The following LRRC4C variants were observed in gnomAD, a reference collection of about 807,000 sequenced individuals.
LRRC4C encodes the protein leucine rich repeat containing 4C, also known as leucine-rich repeat-containing protein 4C.
A neutral mutation model predicts 33.6 loss-of-function variants in LRRC4C; 5 were observed. The observed-to-expected ratio is 0.15, with a 90% CI of 0.08 to 0.31. LRRC4C has a LOEUF of 0.31. Ranked by LOEUF, LRRC4C falls within the 10% of genes least tolerant of loss-of-function variation. The pLI, the probability that LRRC4C is intolerant of heterozygous loss-of-function variation, is 1.00. For synonymous variants in LRRC4C, 329 were observed against 302.0 expected (o/e 1.09, Z -0.93); for missense variants, 560 against 796.7 (o/e 0.70, Z 3.58).
intron 4 of LRRC4C, among the ~76,000 whole-genome samples, chr11:40,259,331 G>A (rs1051908306): frequency 6.6e-6 from 1 of 151,662 alleles, no homozygotes; most frequent in African/African-American, 2.4e-5. Context: ...AGATGAGTAG[G>A]TTGCAAAAAT....
intron 1 of LRRC4C, among the ~76,000 whole-genome samples, chr11:41,059,619 ACTCCC>A (rs1407529423): frequency 6.6e-6 from 1 of 151,844 alleles, no homozygotes; most frequent in Non-Finnish European, 1.5e-5. Context: ...GTCTTTACAG[ACTCCC>A]CTTATGTAGG....
chr11:41,119,912 G>A (rs1020314784), intron 1 of LRRC4C, among the ~76,000 whole-genome samples: 1 of 152,278 alleles, frequency 6.6e-6, no homozygotes, highest in East Asian at 1.9e-4. Flanking sequence ...AAAATGACTA[G>A]TGTAGGATTA....
intron 1 of LRRC4C, among the ~76,000 whole-genome samples, chr11:41,141,212 C>T (rs1943489715): frequency 6.6e-6 from 1 of 152,016 alleles, no homozygotes; most frequent in Non-Finnish European, 1.5e-5. Context: ...TTAAAATTAT[C>T]CTTCTTTCAG....
intron 1 of LRRC4C, among the ~76,000 whole-genome samples, chr11:41,132,619 C>A (rs1943067701): frequency 6.6e-6 from 1 of 152,064 alleles, no homozygotes; most frequent in African/African-American, 2.4e-5. Flanking sequence ...GAAATTAAAA[C>A]ACAAATGTTA....
intron 2 of LRRC4C, among the ~76,000 whole-genome samples, chr11:40,924,195 C>T (rs1678587731): frequency 6.6e-6 from 1 of 151,160 alleles, no homozygotes; most frequent in East Asian, 1.9e-4. Context: ...AGCAAGGATC[C>T]AGTCCAAAGT....
intron 3 of LRRC4C, among the ~76,000 whole-genome samples, chr11:40,622,738 C>T (rs1467849866): frequency 1.3e-5 from 2 of 151,742 alleles, no homozygotes; most frequent in Non-Finnish European, 2.9e-5. Context: ...CCACTGTTTT[C>T]TAAATATGAG....
intron 3 of LRRC4C, among the ~76,000 whole-genome samples, chr11:40,388,991 T>C (rs1949226973): frequency 1.3e-5 from 2 of 152,186 alleles, no homozygotes; most frequent in South Asian, 2.1e-4. Flanking sequence ...TCTAGTGATG[T>C]CCTTCAATTT....
In LRRC4C at chr11:40,115,612, A is replaced by G. The variant is rs1344595277; in HGVS notation, c.681T>C (p.Ser227=). The G allele has an allele frequency of 1.2e-6, 2 of 1,614,212 alleles. No individual in the cohort carries two copies. The highest frequency in any genetic ancestry group is 2.2e-5 in the South Asian group (2 of 91,084). The part of the protein sequence containing the change: ...PLIKLDELDL[S]GNHLSAIRPG... ...GCCTGATGGCAGATAAATGATTCCC[A>G]GAAAGATCCAGCTCATCTAGTTTTA... The change falls in exon 7 of 7, where the codon TCT becomes TCC. Residue 227 remains serine (S), a synonymous_variant. Coordinates refer to ENST00000528697, the MANE Select transcript of LRRC4C (RefSeq NM_001258419.2). The surrounding 1 kb of genome is among the most constrained non-coding windows in gnomAD (Gnocchi z 6.7).
intron 3 of LRRC4C, among the ~76,000 whole-genome samples, chr11:40,587,777 T>A (rs1232936148): frequency 6.6e-6 from 1 of 152,154 alleles, no homozygotes; most frequent in African/African-American, 2.4e-5. Context: ...CTGGATTACA[T>A]GTATTGATTT....
chr11:41,397,812 T>C (rs922622465), intron 1 of LRRC4C, among the ~76,000 whole-genome samples: 8 of 151,774 alleles, frequency 5.3e-5, no homozygotes, highest in African/African-American at 1.9e-4. Context: ...TCTAGAGAGG[T>C]AGTGATATGT....
At chr11:41,121,050 A>G (rs10837574) in intron 1 of LRRC4C, among the ~76,000 whole-genome samples, 28,826 of 152,054 alleles carry the variant, frequency 0.19, 3,406 homozygotes, top group East Asian at 0.37. Context: ...TTTATAAATT[A>G]CCCAGTCTCA....
rs567985824 is a variant in LRRC4C at position 40,275,803 on chromosome 11, G to C, written c.-175-34205C>G. On this transcript the variant is annotated intron_variant, in intron 4 of 6. Transcript: ENST00000528697. Reference sequence around the variant, plus strand: ...AAATTTTGTTTAAGATCAGCAGTTGGAAGCTTGTGAAGAACATTCTTTCAA... The same window carrying C: ...AAATTTTGTTTAAGATCAGCAGTTGCAAGCTTGTGAAGAACATTCTTTCAA... Among the ~76,000 whole-genome samples, 12 of 152,216 alleles carry C rather than the reference G, an allele frequency of 7.9e-5. No homozygotes were observed. In the East Asian group the frequency reaches 2.3e-3, roughly 29 times the overall value.
intron 1 of LRRC4C, among the ~76,000 whole-genome samples, chr11:41,089,983 C>G (rs1940288731): frequency 6.6e-6 from 1 of 150,882 alleles, no homozygotes; most frequent in Non-Finnish European, 1.5e-5. Context: ...TGATTGGAAA[C>G]AATTTAATAG....
At chr11:41,304,066 A>C (rs373034676) in intron 1 of LRRC4C, among the ~76,000 whole-genome samples, 1 of 41,724 alleles carries the variant, frequency 2.4e-5, no homozygotes, top group African/African-American at 6.2e-5. Flanking sequence ...CCCCCCGCCC[A>C]GCCAGCCACC....
At chr11:41,288,008 T>A (rs1325007385) in intron 1 of LRRC4C, among the ~76,000 whole-genome samples, 2 of 152,190 alleles carry the variant, frequency 1.3e-5, no homozygotes, top group Non-Finnish European at 2.9e-5. Context: ...TCAGGACATA[T>A]CCTAGGCACA....
At chr11:40,895,423 T>G (rs191156668) in intron 2 of LRRC4C, among the ~76,000 whole-genome samples, 2 of 152,066 alleles carry the variant, frequency 1.3e-5, no homozygotes, top group Non-Finnish European at 2.9e-5. Flanking sequence ...AGAAACATTA[T>G]AGTAACAGTG....
rs186076486 is a variant in LRRC4C, at chr11:40,756,622, T to A, written c.-406-108344A>T. On this transcript the variant is annotated intron_variant, in intron 2 of 6. Transcript: ENST00000528697. ...TATTTGGATACATTTTCAAAGCTGT[T>A]GTCCTTCAAGTTTTGACAAATCACC... Among the ~76,000 whole-genome samples, 118 of 152,222 alleles carry A rather than the reference T, an allele frequency of 7.8e-4. 1 individual carries two copies. Among genetic ancestry groups the A allele is most frequent in the African/African-American group, 2.5e-3 (102 of 41,558 alleles).
intron 2 of LRRC4C, among the ~76,000 whole-genome samples, chr11:40,916,220 T>C (rs2136316936): frequency 6.6e-6 from 1 of 152,334 alleles, no homozygotes; most frequent in Non-Finnish European, 1.5e-5. Flanking sequence ...GGATTATAAA[T>C]CATGCCACTA....
intron 3 of LRRC4C, among the ~76,000 whole-genome samples, chr11:40,405,033 G>A (rs1347934494): frequency 6.6e-6 from 1 of 151,694 alleles, no homozygotes; most frequent in African/African-American, 2.4e-5. Flanking sequence ...TAGATCTTTC[G>A]ACTTGTTCAT....
Sources: allele counts gnomAD v4.1 joint callset (sites outside exome capture counted in the v4.1 genomes callset), GRCh38; gene constraint gnomAD v4.1.1; non-coding constraint Gnocchi (gnomAD v3.1); transcripts MANE v1.5; gene names NCBI Gene and HGNC (gene_info 2026-07-23, HGNC 2026-07-21).